The following ST8SIA6 variants were observed in gnomAD, a reference collection of about 807,000 sequenced individuals.
ST8SIA6 encodes the protein alpha-2,8-sialyltransferase 8F.
Under a neutral mutation model 33.6 loss-of-function variants are expected in ST8SIA6, and 39 were observed. That is an observed-to-expected ratio of 1.16 (90% CI 0.90 to 1.52). The LOEUF (loss-of-function observed/expected upper bound fraction) is 1.52. Among genes scored for constraint, ST8SIA6 ranks in the 40% most tolerant of loss-of-function variants. The probability of loss-of-function intolerance (pLI) is 0.00; values close to 1 mark genes in which losing one functional copy is unlikely to be tolerated. For synonymous variants in ST8SIA6, 172 were observed against 167.2 expected (o/e 1.03, Z -0.22); for missense variants, 441 against 443.8 (o/e 0.99, Z 0.06).
intron 3 of ST8SIA6, among the ~76,000 whole-genome samples, chr10:17,380,889 GTATGCA>G (rs1850121520): frequency 6.7e-6 from 1 of 148,272 alleles, no homozygotes; most frequent in South Asian, 2.2e-4. Context: ...ACGTTTGTGT[GTATGCA>G]TATGTGTATA....
chr10:17,453,507 C>A, intron 2 of ST8SIA6, 52 bp downstream of exon 2: 1 of 1,249,014 alleles, frequency 8.0e-7, no homozygotes, highest in Non-Finnish European at 1.0e-6. Context: ...GCGCCCCATG[C>A]CCGGCTCGCA....
Position 17,341,985 on chromosome 10 carries a change from G to A in ST8SIA6, c.378-10433C>T, listed in dbSNP as rs75638724. Among the ~76,000 whole-genome samples the A allele has an allele frequency of 7.2e-3, 1,071 of 149,212 alleles. 14 individuals carry two copies. The highest frequency in any genetic ancestry group is 0.025 in the African/African-American group (1,027 of 40,288). ...ATAACCCAGAAGAGGGCACTCACCA[G>A]AACTTACCAGAACCATGCTGGCACC... is the stretch of plus-strand genomic sequence containing the variant. On this transcript the variant is annotated intron_variant, in intron 4 of 7. Coordinates refer to ENST00000377602, the MANE Select transcript of ST8SIA6 (RefSeq NM_001004470.3).
intron 2 of ST8SIA6, among the ~76,000 whole-genome samples, chr10:17,419,075 T>C (rs1370623674): frequency 1.3e-5 from 2 of 151,812 alleles, no homozygotes; most frequent in Non-Finnish European, 2.9e-5. Context: ...ATCTTCCCTT[T>C]ACATAGCAAA....
intron 3 of ST8SIA6, among the ~76,000 whole-genome samples, chr10:17,365,907 T>A (rs1317585639): frequency 6.6e-6 from 1 of 152,198 alleles, no homozygotes; most frequent in Non-Finnish European, 1.5e-5. Context: ...TAATATTAAG[T>A]CAGTAGTTTT....
Position 17,317,754 on chromosome 10 carries a change from T to G in ST8SIA6, c.*3124A>C, listed in dbSNP as rs1847821491. 6.6e-6 allele frequency among the ~76,000 whole-genome samples: 1 copy of G among 152,216 alleles called. No individual in the cohort carries two copies. The highest frequency in any genetic ancestry group is 6.5e-5 in the Admixed American group (1 of 15,276). On this transcript the variant is annotated 3_prime_UTR_variant, in exon 8 of 8. Transcript: ENST00000377602. ...AATTTAGGCAAACACAGGTCTGATT[T>G]GCTGCTTAATTCTGTATTCTACAGA...
intron 4 of ST8SIA6, among the ~76,000 whole-genome samples, chr10:17,343,997 A>G (rs1198647095): frequency 6.6e-6 from 1 of 152,070 alleles, no homozygotes; most frequent in African/African-American, 2.4e-5. Flanking sequence ...TGTTGTCCCC[A>G]TTTTTCAGAT....
intron 5 of ST8SIA6, 82 bp from the exon 6 acceptor site, chr10:17,327,208 C>A: frequency 9.7e-7 from 1 of 1,026,658 alleles, no homozygotes; most frequent in South Asian, 1.5e-5. Flanking sequence ...AGTAACTTAA[C>A]TCTTTATACA....
rs371202032 is a variant in ST8SIA6, at chr10:17,331,561, G to A, written c.378-9C>T. 7.5e-6 allele frequency: 12 copies of A among 1,591,786 alleles called. No individual in the cohort carries two copies. The highest frequency in any genetic ancestry group is 8.5e-6 in the Non-Finnish European group (10 of 1,172,810). The stretch of plus-strand genomic sequence containing the variant: ...AGGAAGCAAGTTTGGCTCTGCAAAG[G>A]AAAAGGATGAAAAGGAAGCCAAAGT... On this transcript the variant is annotated splice_polypyrimidine_tract_variant and intron_variant, in intron 4 of 7. Transcript: ENST00000377602.
At chr10:17,424,594 G>A (rs1032056045) in intron 2 of ST8SIA6, among the ~76,000 whole-genome samples, 2 of 152,042 alleles carry the variant, frequency 1.3e-5, no homozygotes, top group Non-Finnish European at 2.9e-5. Flanking sequence ...TCATTTTACA[G>A]GATATTTCGA....
rs144755794 is a variant in ST8SIA6, at chr10:17,354,053, C to G, written c.377+5461G>C. On this transcript the variant is annotated intron_variant, in intron 4 of 7. Transcript: ENST00000377602. ...TAAGTTAGAAAACTATTCAAGAAAG[C>G]TAATGCAGTAATTACCATGCAAGTT... Among the ~76,000 whole-genome samples the G allele has an allele frequency of 3.1e-3, 470 of 152,172 alleles. 1 individual carries two copies. The highest frequency in any genetic ancestry group is 6.6e-3 in the Admixed American group (101 of 15,284).
At chr10:17,358,649 G>T (rs1486712915) in intron 4 of ST8SIA6, among the ~76,000 whole-genome samples, 1 of 122,660 alleles carries the variant, frequency 8.2e-6, no homozygotes, top group Non-Finnish European at 1.7e-5. Context: ...AGAAGAAAAA[G>T]AATAAGGAGG....
At chr10:17,343,970 G>A (rs2131600172) in intron 4 of ST8SIA6, among the ~76,000 whole-genome samples, 1 of 152,192 alleles carries the variant, frequency 6.6e-6, no homozygotes, top group East Asian at 1.9e-4. Flanking sequence ...TGAGGGAAGC[G>A]CTATTATCAT....
Position 17,318,648 on chromosome 10 carries a change from T to A in ST8SIA6, c.*2230A>T. The A allele has an allele frequency of 2.1e-6, 1 of 469,698 alleles. No individual in the cohort carries two copies. Among genetic ancestry groups the A allele is most frequent in the Non-Finnish European group, 4.4e-6 (1 of 226,688 alleles). 29.1% of individuals were successfully genotyped at this position (469,698 alleles called of 1,614,324 possible). On this transcript the variant is annotated 3_prime_UTR_variant, in exon 8 of 8. Coordinates refer to ENST00000377602, the MANE Select transcript of ST8SIA6 (RefSeq NM_001004470.3). Reference sequence around the variant, plus strand: ...TAAGCAATGCTGATTACATACAGATTTCTTGGGAGTGTCACAGTCAGACTT... The same window carrying A: ...TAAGCAATGCTGATTACATACAGATATCTTGGGAGTGTCACAGTCAGACTT...
At chr10:17,388,585 G>A (rs1202671205) in intron 3 of ST8SIA6, among the ~76,000 whole-genome samples, 1 of 152,134 alleles carries the variant, frequency 6.6e-6, no homozygotes, top group Non-Finnish European at 1.5e-5. Context: ...CCGCTCACTG[G>A]GTCTTCCTTG....
intron 3 of ST8SIA6, among the ~76,000 whole-genome samples, chr10:17,366,131 A>T (rs1849551544): frequency 6.6e-6 from 1 of 152,202 alleles, no homozygotes; most frequent in African/African-American, 2.4e-5. Context: ...TGGCTGGTAG[A>T]CTGAGTTGAG....
chr10:17,378,624 C>T (rs906575355), intron 3 of ST8SIA6, among the ~76,000 whole-genome samples: 2 of 151,900 alleles, frequency 1.3e-5, no homozygotes, highest in African/African-American at 4.9e-5. Flanking sequence ...ACCCAACAAA[C>T]AACAAACAAA....
At chr10:17,332,143 G>A (rs12264369) in intron 4 of ST8SIA6, among the ~76,000 whole-genome samples, 49,808 of 152,038 alleles carry the variant, frequency 0.33, 9,219 homozygotes, top group African/African-American at 0.49. Flanking sequence ...TTATGGCTGC[G>A]TAGCATTCCA....
At chr10:17,407,199 C>T (rs1273108230) in intron 2 of ST8SIA6, among the ~76,000 whole-genome samples, 1 of 152,162 alleles carries the variant, frequency 6.6e-6, no homozygotes, top group Non-Finnish European at 1.5e-5. Context: ...TATAACTTAG[C>T]CTTCACTAGC....
At chr10:17,376,689 A>C (rs1231220439) in intron 3 of ST8SIA6, among the ~76,000 whole-genome samples, 1 of 152,328 alleles carries the variant, frequency 6.6e-6, no homozygotes, top group East Asian at 1.9e-4. Flanking sequence ...ACAAGTAATA[A>C]GTTTGTCATA....
Sources: gnomAD v4.1 joint callset for allele counts (sites outside exome capture counted in the v4.1 genomes callset) on GRCh38, gnomAD v4.1.1 for gene constraint, MANE v1.5 for transcripts, NCBI Gene and HGNC (gene_info 2026-07-23, HGNC 2026-07-21) for gene names.